RPH3AL: variants seen among roughly 807,000 people sequenced by gnomAD.
RPH3AL encodes the protein rabphilin 3A like (without C2 domains), also known as rab effector Noc2.
A neutral mutation model predicts 43.1 loss-of-function variants in RPH3AL; 38 were observed. The ratio of observed to expected loss-of-function variants is 0.88; its 90% CI spans 0.68 to 1.15. The LOEUF (loss-of-function observed/expected upper bound fraction) is 1.15, where lower values mean the gene tolerates loss of function less well. Ranked by LOEUF, RPH3AL falls within the 50% of genes most tolerant of loss-of-function variation. RPH3AL has a pLI of 0.00. For missense variants in RPH3AL, 462 were observed against 423.2 expected, an observed-to-expected ratio of 1.09 and a Z score of -0.81; for synonymous variants, 189 against 176.3, an observed-to-expected ratio of 1.07 and a Z score of -0.57.
rs140858581 is a variant in RPH3AL, at chr17:321,397, G to A, written c.96C>T (p.Ser32=). The change falls in exon 4 of 10, where the codon TCC becomes TCT. Residue 32 remains serine, a synonymous_variant. Coordinates refer to ENST00000331302, the MANE Select transcript of RPH3AL (RefSeq NM_006987.4). Reference sequence around the variant, plus strand: ...GCTTCTCCGTCTGGTAGGTGTGCACGGACCAGCCCGTCTGCAGCCTCGAGA... The same window carrying A: ...GCTTCTCCGTCTGGTAGGTGTGCACAGACCAGCCCGTCTGCAGCCTCGAGA... ...ALRAKLQTGW[S]VHTYQTEKQR... 63 of 1,608,624 alleles carry A rather than the reference G, an allele frequency of 3.9e-5. No homozygotes were observed. In the East Asian group the frequency reaches 4.5e-4, roughly 11 times the overall value.
intron 1 of RPH3AL, among the ~76,000 whole-genome samples, chr17:347,958 G>T (rs1438616900): frequency 2.0e-5 from 3 of 151,138 alleles, no homozygotes. Context: ...TTGAGGCTAG[G>T]AGTTCAAGGC....
chr17:311,835 T>C (rs2043654110), intron 5 of RPH3AL, among the ~76,000 whole-genome samples: 1 of 152,068 alleles, frequency 6.6e-6, no homozygotes, highest in Non-Finnish European at 1.5e-5. Flanking sequence ...AAAACAAGAA[T>C]TCCAACGAGG....
chr17:248,855 A>G (rs1468872566), intron 6 of RPH3AL, among the ~76,000 whole-genome samples: 16 of 152,224 alleles, frequency 1.1e-4, no homozygotes, highest in African/African-American at 3.6e-4. Flanking sequence ...AACAGAGCAA[A>G]GGGCACCCAG....
At chr17:332,950 C>A in intron 2 of RPH3AL, 2 of 1,172,488 alleles carry the variant, frequency 1.7e-6, no homozygotes, top group South Asian at 1.4e-5. Flanking sequence ...GGGAACGGAA[C>A]AGGAGTTGCC....
rs936016935 is a variant in RPH3AL, at chr17:323,536, A to C, written c.78-2121T>G. On this transcript the variant is annotated intron_variant, in intron 3 of 9. Coordinates refer to ENST00000331302, the MANE Select transcript of RPH3AL (RefSeq NM_006987.4). This position sits in a 1 kb window ranked among gnomAD's most constrained non-coding sequence, Gnocchi z 4.4. ...CTCCAGGGGTCAGTGATGGGCCAGG[A>C]CACACTTCGTGTGGTTCCCGGGCCA... Among the ~76,000 whole-genome samples the C allele has an allele frequency of 6.6e-6, 1 of 152,192 alleles. No individual in the cohort carries two copies. The highest frequency in any genetic ancestry group is 1.5e-5 in the Non-Finnish European group (1 of 68,024).
At chr17:271,994 C>A (rs541731364) in intron 6 of RPH3AL, among the ~76,000 whole-genome samples, 240 of 152,278 alleles carry the variant, frequency 1.6e-3, no homozygotes, top group Middle Eastern at 6.8e-3. Context: ...AGCCAAAAAA[C>A]ACATGAAAAA....
intron 6 of RPH3AL, among the ~76,000 whole-genome samples, chr17:272,960 G>T (rs921914791): frequency 0.019 from 628 of 33,410 alleles, 16 homozygotes; most frequent in African/African-American, 0.047. Context: ...CAAGGGCTAC[G>T]TCAGGGTGAG....
At chr17:319,701 T>C in intron 4 of RPH3AL, 152 bp from the exon 5 acceptor site, 1 of 867,094 alleles carries the variant, frequency 1.2e-6, no homozygotes, top group Non-Finnish European at 1.7e-6. Context: ...AGCGAATCCT[T>C]CATTCACTCA....
intron 5 of RPH3AL, among the ~76,000 whole-genome samples, chr17:306,024 A>AT (rs71143496): frequency 0.79 from 109,651 of 139,484 alleles, 44,595 homozygotes; most frequent in East Asian, 0.96. Context: ...ATGCCCAGCT[A>AT]TTTTTTTTTT....
At chr17:284,730 C>G (rs2042864591) in intron 5 of RPH3AL, among the ~76,000 whole-genome samples, 1 of 152,208 alleles carries the variant, frequency 6.6e-6, no homozygotes, top group South Asian at 2.1e-4. Flanking sequence ...AGAGGACAGC[C>G]TCTGCCCCAT....
chr17:335,352 G>A (rs544169683), intron 1 of RPH3AL, among the ~76,000 whole-genome samples: 12 of 152,264 alleles, frequency 7.9e-5, no homozygotes, highest in South Asian at 2.1e-4. Context: ...CAACACCAGC[G>A]CTGCAGGACG....
rs146466058 is a variant in RPH3AL, at chr17:329,071, A to G, written c.-36-1492T>C. Among the ~76,000 whole-genome samples, 178 of 152,340 alleles carry G rather than the reference A, an allele frequency of 1.2e-3. 2 individuals carry two copies. Among genetic ancestry groups the G allele is most frequent in the African/African-American group, 3.7e-3 (155 of 41,576 alleles). The stretch of plus-strand genomic sequence containing the variant: ...GACAGTGGTGATGGTCACACATTTC[A>G]AGAATACACTAAAACCACTGAATCG... On this transcript the variant is annotated intron_variant, in intron 2 of 9. Transcript: ENST00000331302.
intron 1 of RPH3AL, among the ~76,000 whole-genome samples, chr17:348,319 G>C (rs1225801876): frequency 6.6e-6 from 1 of 152,120 alleles, no homozygotes; most frequent in Non-Finnish European, 1.5e-5. Context: ...CTTACACATT[G>C]GTTGAAGTCC....
At chr17:348,028 A>G (rs930069318) in intron 1 of RPH3AL, among the ~76,000 whole-genome samples, 2 of 151,592 alleles carry the variant, frequency 1.3e-5, no homozygotes, top group Admixed American at 1.3e-4. Context: ...TAAATTAATT[A>G]AAAGAAAAAT....
intron 7 of RPH3AL, among the ~76,000 whole-genome samples, chr17:221,794 A>G (rs62059576): frequency 0.041 from 1,922 of 46,860 alleles, 32 homozygotes; most frequent in Middle Eastern, 0.11. Flanking sequence ...GAGACAATAG[A>G]CCCAAGCACA....
intron 5 of RPH3AL, among the ~76,000 whole-genome samples, chr17:301,731 GC>G (rs1567627925): frequency 6.6e-6 from 1 of 152,048 alleles, no homozygotes; most frequent in African/African-American, 2.4e-5. Flanking sequence ...GACCCACCGC[GC>G]CCGGCCTGTA....
At chr17:301,232 A>G (rs982687822) in intron 5 of RPH3AL, among the ~76,000 whole-genome samples, 1 of 152,266 alleles carries the variant, frequency 6.6e-6, no homozygotes, top group African/African-American at 2.4e-5. Flanking sequence ...GGGACGAGAC[A>G]TCACCTTCCT....
chr17:223,273 G>A (rs774157682), intron 7 of RPH3AL, among the ~76,000 whole-genome samples: 2 of 151,778 alleles, frequency 1.3e-5, no homozygotes, highest in African/African-American at 2.4e-5. Flanking sequence ...CCATCAATTC[G>A]CATAACATTT....
rs765673764 is a variant in RPH3AL, at chr17:321,407, G to C, written c.86C>G (p.Thr29Arg). 3 of 1,606,596 alleles carry C rather than the reference G, an allele frequency of 1.9e-6. No homozygotes were observed. The highest frequency in any genetic ancestry group is 1.7e-5 in the Admixed American group (1 of 59,884). The change falls in exon 4 of 10, where the codon ACG becomes AGG. Residue 29 changes from threonine (T) to arginine (R), a missense_variant. By Grantham distance (71) the Thr-to-Arg change is moderately conservative. Coordinates refer to ENST00000331302, the MANE Select transcript of RPH3AL (RefSeq NM_006987.4). ...CTGGTAGGTGTGCACGGACCAGCCC[G>C]TCTGCAGCCTCGAGAGGGAACAGCA... ...RQLALRAKLQ[T>R]GWSVHTYQTE...
Sources: allele counts gnomAD v4.1 joint callset (sites outside exome capture counted in the v4.1 genomes callset), GRCh38; gene constraint gnomAD v4.1.1; non-coding constraint Gnocchi (gnomAD v3.1); transcripts MANE v1.5; gene names NCBI Gene and HGNC (gene_info 2026-07-23, HGNC 2026-07-21).